The following COQ8B variants were observed in gnomAD, a reference collection of about 807,000 sequenced individuals.
The protein encoded by COQ8B is atypical kinase COQ8B, mitochondrial.
Under a neutral mutation model 62.0 loss-of-function variants are expected in COQ8B, and 44 were observed. That is an observed-to-expected ratio of 0.71 (90% CI 0.56 to 0.91). The LOEUF (loss-of-function observed/expected upper bound fraction) is 0.91, where lower values mean the gene tolerates loss of function less well. COQ8B is among the 40% of genes least tolerant of loss of function. COQ8B has a pLI of 0.00. For missense variants in COQ8B, 649 were observed against 731.6 expected, an observed-to-expected ratio of 0.89 and a Z score of 1.30; for synonymous variants, 252 against 289.9, an observed-to-expected ratio of 0.87 and a Z score of 1.33.
chr19:40,697,853 G>T lies in COQ8B; in HGVS notation c.1144-1799C>A, dbSNP rs7255508. ...ATATATATATATATATATATATATA[G>T]AGAGAGAGAGAGAGAGAGAGAGAGT... On this transcript the variant is annotated intron_variant, in intron 12 of 14. Coordinates refer to ENST00000324464, the MANE Select transcript of COQ8B (RefSeq NM_024876.4). Among the ~76,000 whole-genome samples, 200 of 80,764 alleles carry T rather than the reference G, an allele frequency of 2.5e-3. 4 individuals carry two copies. Among genetic ancestry groups the T allele is most frequent in the African/African-American group, 8.3e-3 (161 of 19,420 alleles). 53.0% of individuals were successfully genotyped at this position (80,764 alleles called of 152,430 possible). A position where few individuals can be genotyped will look rare whatever the true frequency, so the allele number is the denominator to read the frequency against.
chr19:40,703,694 C>T lies in COQ8B; in HGVS notation c.717+21G>A, dbSNP rs1272728759. The T allele has an allele frequency of 2.5e-6, 4 of 1,613,956 alleles. No homozygotes were observed. In the African/African-American group the frequency reaches 5.3e-5, roughly 22 times the overall value. The stretch of plus-strand genomic sequence containing the variant: ...GGCTAGCAGGGTGCCCGCCCCTACC[C>T]TGCCCAGCCTCCCCTCTCACCTGGA... On this transcript the variant is annotated intron_variant, in intron 8 of 14. Coordinates refer to ENST00000324464, the MANE Select transcript of COQ8B (RefSeq NM_024876.4).
chr19:40,699,062 C>T (rs1453766267), intron 12 of COQ8B, among the ~76,000 whole-genome samples: 1 of 151,846 alleles, frequency 6.6e-6, no homozygotes, highest in Admixed American at 6.6e-5. Flanking sequence ...GATCCTCCTG[C>T]CTCAGCATCC....
intron 10 of COQ8B, among the ~76,000 whole-genome samples, chr19:40,702,228 T>C (rs1325556047): frequency 2.0e-5 from 3 of 152,164 alleles, no homozygotes; most frequent in African/African-American, 7.2e-5. Context: ...CAACCTGCAG[T>C]GCAGAAGGGA....
At chr19:40,714,967 G>A (rs1366406718) in intron 1 of COQ8B, 2 of 1,057,850 alleles carry the variant, frequency 1.9e-6, no homozygotes, top group East Asian at 8.0e-5. Context: ...CCCCTCTGTT[G>A]GCCCTGTAGG....
chr19:40,696,124 A>G, intron 12 of COQ8B, 70 bp from the exon 13 acceptor site: 2 of 1,532,904 alleles, frequency 1.3e-6, no homozygotes, highest in Non-Finnish European at 1.8e-6. Flanking sequence ...TGGGGCAGCC[A>G]GGATCTGTCT....
chr19:40,710,267 T>C lies in COQ8B; in HGVS notation c.290-131A>G, dbSNP rs7258157. 851,763 of 852,998 alleles carry C rather than the reference T, an allele frequency of 1. 425,290 individuals are homozygous for C. The highest frequency in any genetic ancestry group is 1 in the African/African-American group (58,472 of 58,472). 52.8% of individuals were successfully genotyped at this position (852,998 alleles called of 1,614,324 possible). A position where few individuals can be genotyped will look rare whatever the true frequency, so the allele number is the denominator to read the frequency against. ...TTTTTATTTTTTCTTTTGTTTGAGATGGAGTCTCGCTCTGTTGCCCAGGCT... is the reference window on the plus strand; with the variant it reads ...TTTTTATTTTTTCTTTTGTTTGAGACGGAGTCTCGCTCTGTTGCCCAGGCT... On this transcript the variant is annotated intron_variant, in intron 4 of 14. Transcript: ENST00000324464.
chr19:40,700,226 C>T (rs2082050569), intron 11 of COQ8B, 52 bp from the exon 12 acceptor site: 1 of 1,613,016 alleles, frequency 6.2e-7, no homozygotes, highest in Admixed American at 1.7e-5. Context: ...CTTGTGGTGC[C>T]ACTGCTGGCC....
chr19:40,693,062 G>A lies in COQ8B; in HGVS notation c.1210-25C>T, dbSNP rs1030529195. ...CCTGGGGAGACGGGTGGGAGTTAGA[G>A]GGACAAAGGCCGGGGCTCAAGGGGG... is the stretch of plus-strand genomic sequence containing the variant. On this transcript the variant is annotated intron_variant, in intron 13 of 14. Transcript: ENST00000324464. The A allele has an allele frequency of 5.0e-6, 8 of 1,606,876 alleles. 1 individual carries two copies. In the African/African-American group the frequency reaches 8.0e-5, roughly 16 times the overall value.
chr19:40,703,955 C>T, intron 7 of COQ8B, 100 bp from the exon 8 acceptor site: 1 of 1,420,322 alleles, frequency 7.0e-7, no homozygotes, highest in Admixed American at 2.5e-5. Context: ...ACATGCAGGG[C>T]CCTGGGCTAA....
rs2082128222 is a variant in COQ8B, at chr19:40,709,953, C to T, written c.367+106G>A. 3.7e-5 allele frequency: 42 copies of T among 1,146,576 alleles called. No homozygotes were observed. In the South Asian group the frequency reaches 5.8e-4, roughly 16 times the overall value. The allele number at this position is 1,146,576 out of a possible 1,614,324, so 71.0% of individuals were successfully genotyped here. On this transcript the variant is annotated intron_variant, in intron 5 of 14. Coordinates refer to ENST00000324464, the MANE Select transcript of COQ8B (RefSeq NM_024876.4). ...CTAAGAGGTGGGTAAATTATCACCA[C>T]CTCCATCTTCCGCATGAGGAAACTG...
Position 40,700,154 on chromosome 19 carries a change from C to T in COQ8B, c.1056G>A (p.Thr352=), listed in dbSNP as rs768934453. The change falls in exon 12 of 15, where the codon ACG becomes ACA. Residue 352 remains threonine, a synonymous_variant. Transcript: ENST00000324464. ...ACTCAAACAGCTCCCGCAGACACAG[C>T]GTCAGGAGCTGGAAGCAAATCTGGG... ...LRNQICFQLL[T]LCLRELFEFR... 1.2e-6 allele frequency: 2 copies of T among 1,614,234 alleles called. No homozygotes were observed. The highest frequency in any genetic ancestry group is 1.7e-6 in the Non-Finnish European group (2 of 1,180,036).
chr19:40,702,456 G>A (rs1055667722), intron 10 of COQ8B, 144 bp downstream of exon 10: 2 of 812,832 alleles, frequency 2.5e-6, no homozygotes, highest in Non-Finnish European at 4.2e-6. Flanking sequence ...TGATGGATGA[G>A]TGGAAGGATG....
chr19:40,711,099 C>T (rs193052985), intron 4 of COQ8B, among the ~76,000 whole-genome samples: 135 of 149,252 alleles, frequency 9.0e-4, no homozygotes, highest in African/African-American at 3.2e-3. Flanking sequence ...CCATTGCACT[C>T]CAGCCTGGGA....
chr19:40,710,327 C>T (rs2082131168), intron 4 of COQ8B, among the ~76,000 whole-genome samples, 191 bp from the exon 5 acceptor site: 2 of 152,224 alleles, frequency 1.3e-5, no homozygotes, highest in Admixed American at 6.5e-5. Context: ...TCACTGCAAC[C>T]TCCACCTCCC....
chr19:40,700,054 A>G lies in COQ8B; in HGVS notation c.1143+13T>C, dbSNP rs1260011885. On this transcript the variant is annotated intron_variant, in intron 12 of 14. Transcript: ENST00000324464. ...CAGCAAATGTACCCAGACACACATCACTAGGAACCAACCTGGTGGCTGGAG... is the reference window on the plus strand; with the variant it reads ...CAGCAAATGTACCCAGACACACATCGCTAGGAACCAACCTGGTGGCTGGAG... 6.2e-7 allele frequency: 1 copy of G among 1,611,566 alleles called. No individual in the cohort carries two copies. The highest frequency in any genetic ancestry group is 1.3e-5 in the African/African-American group (1 of 74,914).
Position 40,700,189 on chromosome 19 carries a change from A to T in COQ8B, c.1036-15T>A, listed in dbSNP as rs760192949. 6.2e-7 allele frequency: 1 copy of T among 1,614,138 alleles called. No individual in the cohort carries two copies. The highest frequency in any genetic ancestry group is 8.5e-7 in the Non-Finnish European group (1 of 1,179,962). On this transcript the variant is annotated splice_polypyrimidine_tract_variant and intron_variant, in intron 11 of 14. Transcript: ENST00000324464. ...TGGAAGCAAATCTGGGGTGGGGAGAATTAACAGGCATCTCAGTGTGATCTC... is the reference window on the plus strand; with the variant it reads ...TGGAAGCAAATCTGGGGTGGGGAGATTTAACAGGCATCTCAGTGTGATCTC...
chr19:40,699,677 A>G (rs1422180053), intron 12 of COQ8B, among the ~76,000 whole-genome samples: 1 of 151,850 alleles, frequency 6.6e-6, no homozygotes, highest in African/African-American at 2.4e-5. Context: ...CTAGCCAGGG[A>G]CTCCATTTTC....
At position 40,702,656 on chromosome 19, in the gene COQ8B, C is replaced by A; in HGVS notation, c.837G>T (p.Gln279His). Residue 279 changes from glutamine to histidine, a missense_variant, in exon 10 of 15, where the codon CAG (glutamine) becomes CAT (histidine). Gln to His is a conservative substitution (Grantham distance 24, BLOSUM62 0). Transcript: ENST00000324464. ...GGTAGTCACACTCCCAAGCCAGCTC[C>A]TGCTGCAAGGCCTGCAGGCTCTGCT... ...FAEQSLQALQ[Q>H]ELAWECDYRR... The A allele has an allele frequency of 6.2e-7, 1 of 1,611,710 alleles. No homozygotes were observed. The highest frequency in any genetic ancestry group is 2.2e-5 in the East Asian group (1 of 44,876).
chr19:40,712,412 G>GGA (rs2082149044), intron 4 of COQ8B, among the ~76,000 whole-genome samples: 1 of 104,090 alleles, frequency 9.6e-6, no homozygotes, highest in African/African-American at 3.5e-5. Flanking sequence ...GTCTCCCTAA[G>GGA]AAAAAAAAAA....
Sources: gnomAD v4.1 joint callset for allele counts (sites outside exome capture counted in the v4.1 genomes callset) on GRCh38, gnomAD v4.1.1 for gene constraint, MANE v1.5 for transcripts, NCBI Gene and HGNC (gene_info 2026-07-23, HGNC 2026-07-21) for gene names.